Variants in TUBGCP3 observed in about 807,000 individuals in gnomAD.
The protein encoded by TUBGCP3 is gamma-tubulin complex component 3.
In TUBGCP3, 50 loss-of-function variants were observed where a neutral mutation model predicts 123.1. That is an observed-to-expected ratio of 0.41 (90% CI 0.32 to 0.51). The LOEUF is 0.51. TUBGCP3 is among the 20% of genes least tolerant of loss of function. TUBGCP3 has a pLI of 0.36. For missense variants in TUBGCP3, 882 were observed against 1,127.0 expected, an observed-to-expected ratio of 0.78 and a Z score of 3.11; for synonymous variants, 405 against 413.9, an observed-to-expected ratio of 0.98 and a Z score of 0.26.
the TUBGCP3 span, among the ~76,000 whole-genome samples, chr13:112,593,648 G>A: frequency 2.0e-5 from 3 of 152,082 alleles, no homozygotes; most frequent in Non-Finnish European, 4.4e-5. Context: ...ACTCCAGCCT[G>A]GGTGACAGAG....
At position 112,587,967 on chromosome 13, in the gene TUBGCP3, T is replaced by A; in HGVS notation, c.14A>T (p.Asp5Val). ...CAGCAGAACGTTCGGCGACTTCTGG[T>A]CCGGGGTCGCCATCCTCGCCCGGAG... MATP[D>V]QKSPNVLLQN... The change falls in exon 1 of 22, where the codon GAC becomes GTC. Residue 5 changes from aspartate (D) to valine (V), a missense_variant. Physicochemically the swap from Asp to Val is radical, Grantham distance 152 (BLOSUM62 -3). Around this residue, in one of 3 missense-constraint regions of TUBGCP3, gnomAD observed 713 missense variants for 874.0 expected, o/e 0.82. Coordinates refer to ENST00000261965, the MANE Select transcript of TUBGCP3 (RefSeq NM_006322.6). 2.5e-6 allele frequency: 4 copies of A among 1,588,394 alleles called. No homozygotes were observed. In the South Asian group the frequency reaches 4.5e-5, roughly 18 times the overall value.
intron 11 of TUBGCP3, among the ~76,000 whole-genome samples, chr13:112,540,097 A>G (rs898883768): frequency 3.7e-4 from 56 of 150,172 alleles, no homozygotes; most frequent in African/African-American, 1.2e-3. Flanking sequence ...TAGTAGCCCT[A>G]TGAGCATTCA....
intron 11 of TUBGCP3, among the ~76,000 whole-genome samples, chr13:112,532,120 T>C (rs1444917096): frequency 1.3e-5 from 2 of 152,148 alleles, no homozygotes; most frequent in South Asian, 2.1e-4. Context: ...TACCAAGAGA[T>C]TTCTCCTAAG....
At chr13:112,544,191 C>G (rs926828268) in intron 11 of TUBGCP3, among the ~76,000 whole-genome samples, 5 of 152,118 alleles carry the variant, frequency 3.3e-5, no homozygotes, top group Non-Finnish European at 5.9e-5. Flanking sequence ...CAGTGGCTCA[C>G]GCCTGTAATC....
chr13:112,551,523 C>T (rs557917517), intron 8 of TUBGCP3, among the ~76,000 whole-genome samples: 15 of 152,112 alleles, frequency 9.9e-5, no homozygotes, highest in Non-Finnish European at 2.1e-4. Context: ...ATAAATAAAC[C>T]ATCACTCCTT....
At chr13:112,562,195 A>G (rs1360092679) in intron 3 of TUBGCP3, among the ~76,000 whole-genome samples, 1 of 151,768 alleles carries the variant, frequency 6.6e-6, no homozygotes, top group Non-Finnish European at 1.5e-5. Context: ...ACTAGGGAAC[A>G]CCACCAGCCA....
chr13:112,532,292 A>G (rs1877644964), intron 11 of TUBGCP3, among the ~76,000 whole-genome samples: 1 of 152,268 alleles, frequency 6.6e-6, no homozygotes, highest in South Asian at 2.1e-4. Context: ...TTTACATGGT[A>G]AACTTTTAAA....
At chr13:112,534,680 C>A (rs1387536699) in intron 11 of TUBGCP3, among the ~76,000 whole-genome samples, 2 of 152,028 alleles carry the variant, frequency 1.3e-5, no homozygotes, top group Admixed American at 1.3e-4. Context: ...CTCAACCTAG[C>A]AGGGAGGAAG....
At chr13:112,492,327 CCAA>C (rs1880150439) in intron 20 of TUBGCP3, among the ~76,000 whole-genome samples, 1 of 152,074 alleles carries the variant, frequency 6.6e-6, no homozygotes, top group Admixed American at 6.5e-5. Context: ...CTTTTCCCCA[CCAA>C]CTTTTGTCTT....
intron 14 of TUBGCP3, 67 bp from the exon 15 acceptor site, chr13:112,520,088 T>C (rs951466961): frequency 2.7e-5 from 39 of 1,463,840 alleles, no homozygotes; most frequent in Middle Eastern, 2.0e-4. Context: ...AAAAAACGTA[T>C]AAACTATTAA....
At chr13:112,509,528 GTTCTT>G (rs1398753974) in intron 17 of TUBGCP3, among the ~76,000 whole-genome samples, 1 of 152,228 alleles carries the variant, frequency 6.6e-6, no homozygotes, top group Non-Finnish European at 1.5e-5. Context: ...GAATATAGGT[GTTCTT>G]TCCTTTTACA....
the TUBGCP3 span, among the ~76,000 whole-genome samples, chr13:112,594,538 ATTTG>A: frequency 2.0e-5 from 3 of 152,056 alleles, no homozygotes; most frequent in Non-Finnish European, 4.4e-5. Flanking sequence ...TTTTTGTCTT[ATTTG>A]TTTCCTCTGT....
rs146148085 is a variant in TUBGCP3 at position 112,518,165 on chromosome 13, T to C, written c.1950+810A>G. Reference sequence around the variant, plus strand: ...ACACACTTACCAGTGGCAGGTTTCTTACCCCCAAGAGGAAAGAGGGTGAGT... The same window carrying C: ...ACACACTTACCAGTGGCAGGTTTCTCACCCCCAAGAGGAAAGAGGGTGAGT... On this transcript the variant is annotated intron_variant, in intron 16 of 21. Transcript: ENST00000261965. 6.2e-3 allele frequency among the ~76,000 whole-genome samples: 943 copies of C among 152,232 alleles called. 14 individuals are homozygous for C. Among genetic ancestry groups the C allele is most frequent in the African/African-American group, 0.021 (892 of 41,532 alleles).
At chr13:112,498,548 G>A (rs538303293) in intron 20 of TUBGCP3, among the ~76,000 whole-genome samples, 2 of 152,336 alleles carry the variant, frequency 1.3e-5, no homozygotes, top group African/African-American at 4.8e-5. Flanking sequence ...GGAGCATTTC[G>A]TATTTTGTAT....
intron 13 of TUBGCP3, 97 bp downstream of exon 13, chr13:112,526,845 G>T: frequency 1.1e-6 from 1 of 870,848 alleles, no homozygotes; most frequent in Non-Finnish European, 1.9e-6. Flanking sequence ...CAATCACTAC[G>T]TCATCAACAT....
At chr13:112,501,954 G>T (rs929859431) in intron 19 of TUBGCP3, among the ~76,000 whole-genome samples, 11 of 152,164 alleles carry the variant, frequency 7.2e-5, no homozygotes, top group Non-Finnish European at 1.6e-4. Flanking sequence ...ATCTGTAAGT[G>T]GACTAAGTCT....
At chr13:112,547,310 T>C (rs1013672311) in intron 10 of TUBGCP3, 6 of 403,980 alleles carry the variant, frequency 1.5e-5, no homozygotes, top group East Asian at 1.1e-4. Context: ...CCCACCTCCA[T>C]CTCAATGCCA....
intron 8 of TUBGCP3, among the ~76,000 whole-genome samples, chr13:112,548,479 C>A (rs1879258299): frequency 6.6e-6 from 1 of 152,036 alleles, no homozygotes; most frequent in African/African-American, 2.4e-5. Flanking sequence ...AAGATGATAT[C>A]CCCTGTAGAT....
Position 112,521,789 on chromosome 13 carries a change from G to A in TUBGCP3, c.1745+531C>T, listed in dbSNP as rs1199400445. ...CCCAGGCTCACGCTGCCTGGGCCGGGGTCTGCACTGTCTCTAGACCTAGAA... is the reference window on the plus strand; with the variant it reads ...CCCAGGCTCACGCTGCCTGGGCCGGAGTCTGCACTGTCTCTAGACCTAGAA... On this transcript the variant is annotated intron_variant, in intron 14 of 21. Transcript: ENST00000261965. The A allele has an allele frequency of 8.1e-6, 8 of 985,376 alleles. No individual in the cohort carries two copies. The East Asian group carries it at 7.9e-4, about 98-fold the overall frequency. 61.0% of individuals were successfully genotyped at this position (985,376 alleles called of 1,614,324 possible). A position where few individuals can be genotyped will look rare whatever the true frequency, so the allele number is the denominator to read the frequency against.
Sources: allele counts gnomAD v4.1 joint callset (sites outside exome capture counted in the v4.1 genomes callset), GRCh38; gene constraint gnomAD v4.1.1; regional missense constraint gnomAD v4.1.1; transcripts MANE v1.5; gene names NCBI Gene and HGNC (gene_info 2026-07-23, HGNC 2026-07-21).